ANGPT1: variants seen among roughly 807,000 people sequenced by gnomAD.
The protein encoded by ANGPT1 is angiopoietin-1.
In ANGPT1, 17 loss-of-function variants were observed where a neutral mutation model predicts 62.2. The observed-to-expected ratio is 0.27, with a 90% CI of 0.19 to 0.41. ANGPT1 has a LOEUF of 0.41. Among genes scored for constraint, ANGPT1 ranks in the 10% least tolerant of loss-of-function variants. The pLI is 1.00. For missense variants in ANGPT1, 478 were observed against 594.9 expected (o/e 0.80, Z 2.04); for synonymous variants, 199 against 198.9 (o/e 1.00, Z 0.00).
intron 1 of ANGPT1, among the ~76,000 whole-genome samples, chr8:107,432,483 T>G (rs1372661130): frequency 1.3e-5 from 2 of 152,090 alleles, no homozygotes; most frequent in Non-Finnish European, 2.9e-5. Context: ...GCTAACGTAG[T>G]GAAACCCTGT....
At chr8:107,495,960 T>G (rs972013840) in intron 1 of ANGPT1, among the ~76,000 whole-genome samples, 4 of 152,174 alleles carry the variant, frequency 2.6e-5, no homozygotes, top group African/African-American at 9.7e-5. Flanking sequence ...CCAGTTAATG[T>G]GTCAAATAAA....
At chr8:107,400,600 C>T (rs890384352) in intron 1 of ANGPT1, among the ~76,000 whole-genome samples, 1 of 151,070 alleles carries the variant, frequency 6.6e-6, no homozygotes. Flanking sequence ...CACTCCATTG[C>T]CCAAGCTGGA....
chr8:107,342,733 CAGTTA>C (rs994528179), intron 2 of ANGPT1, among the ~76,000 whole-genome samples: 16 of 150,928 alleles, frequency 1.1e-4, no homozygotes, highest in African/African-American at 3.9e-4. Flanking sequence ...TTCATCATTT[CAGTTA>C]AAAGATTCAT....
chr8:107,481,498 C>T (rs1445047106), intron 1 of ANGPT1, among the ~76,000 whole-genome samples: 1 of 125,410 alleles, frequency 8.0e-6, no homozygotes, highest in East Asian at 2.3e-4. Flanking sequence ...TACACCACTA[C>T]ACTCCAGCCT....
At chr8:107,387,203 G>A (rs139438485) in intron 1 of ANGPT1, among the ~76,000 whole-genome samples, 159 of 152,186 alleles carry the variant, frequency 1.0e-3, no homozygotes, top group African/African-American at 3.6e-3. Flanking sequence ...GACAGAGAAA[G>A]GAAGATACTA....
intron 8 of ANGPT1, among the ~76,000 whole-genome samples, chr8:107,259,476 C>T (rs556526723): frequency 1.6e-4 from 25 of 152,220 alleles, no homozygotes; most frequent in African/African-American, 5.5e-4. Context: ...AAATATCCTT[C>T]GTTAGCTTTA....
chr8:107,259,473 C>G (rs115227376), intron 8 of ANGPT1, among the ~76,000 whole-genome samples: 2 of 152,066 alleles, frequency 1.3e-5, no homozygotes, highest in East Asian at 3.8e-4. Context: ...GAAAAATATC[C>G]TTCGTTAGCT....
In ANGPT1 at chr8:107,274,642, A is replaced by C. The variant is rs183763284; in HGVS notation, c.1205+10040T>G. On this transcript the variant is annotated intron_variant, in intron 7 of 8. Coordinates refer to ENST00000517746, the MANE Select transcript of ANGPT1 (RefSeq NM_001146.5). The stretch of plus-strand genomic sequence containing the variant: ...GACATGATACTTTATTAGAAATCTT[A>C]GTGGCAACTGTCATTTTATACCATA... 9.8e-4 allele frequency among the ~76,000 whole-genome samples: 149 copies of C among 152,242 alleles called. 3 individuals are homozygous for C. The highest frequency in any genetic ancestry group is 9.8e-3 in the Admixed American group (149 of 15,266).
chr8:107,299,777 T>C (rs1243715400), intron 5 of ANGPT1, among the ~76,000 whole-genome samples: 1 of 118,218 alleles, frequency 8.5e-6, no homozygotes, highest in African/African-American at 3.1e-5. Context: ...CTAGATATAC[T>C]ATATATCTAG....
chr8:107,393,283 G>A (rs892079132), intron 1 of ANGPT1, among the ~76,000 whole-genome samples: 1 of 152,106 alleles, frequency 6.6e-6, no homozygotes, highest in African/African-American at 2.4e-5. Flanking sequence ...TGGTTCCCCT[G>A]GGCTTGAGAG....
chr8:107,366,864 A>T (rs1213695113), intron 1 of ANGPT1, among the ~76,000 whole-genome samples: 2 of 152,180 alleles, frequency 1.3e-5, no homozygotes. Context: ...TTCTATTTGC[A>T]TTCTGTCTCT....
At chr8:107,462,323 G>A (rs545794513) in intron 1 of ANGPT1, among the ~76,000 whole-genome samples, 1 of 151,600 alleles carries the variant, frequency 6.6e-6, no homozygotes, top group Non-Finnish European at 1.5e-5. Flanking sequence ...TACAGATTGT[G>A]TCTGGGTAGC....
intron 2 of ANGPT1, among the ~76,000 whole-genome samples, chr8:107,341,906 A>G (rs1228670076): frequency 6.6e-6 from 1 of 151,968 alleles, no homozygotes; most frequent in Non-Finnish European, 1.5e-5. Context: ...CTAGTCACTA[A>G]CAACTGCTAC....
chr8:107,353,176 T>TA (rs1815969500), intron 1 of ANGPT1, among the ~76,000 whole-genome samples: 1 of 152,188 alleles, frequency 6.6e-6, no homozygotes, highest in African/African-American at 2.4e-5. Flanking sequence ...ATATTTACTA[T>TA]TTATGGAAGA....
chr8:107,432,841 T>C (rs541572957), intron 1 of ANGPT1, among the ~76,000 whole-genome samples: 2 of 152,328 alleles, frequency 1.3e-5, no homozygotes, highest in South Asian at 4.1e-4. Flanking sequence ...ATCTTGACAA[T>C]GTCAGAGAAT....
intron 7 of ANGPT1, among the ~76,000 whole-genome samples, chr8:107,269,970 CT>C (rs1813701465): frequency 6.6e-6 from 1 of 152,010 alleles, no homozygotes. Context: ...TTTTCAATCA[CT>C]TTTAGAAATT....
intron 1 of ANGPT1, among the ~76,000 whole-genome samples, chr8:107,461,930 T>A (rs1812082321): frequency 6.6e-6 from 1 of 152,066 alleles, no homozygotes; most frequent in African/African-American, 2.4e-5. Flanking sequence ...AGCAAAGAAG[T>A]CCAGGAAGTG....
chr8:107,254,117 G>T (rs1009633009), intron 8 of ANGPT1, among the ~76,000 whole-genome samples: 1 of 152,026 alleles, frequency 6.6e-6, no homozygotes, highest in Admixed American at 6.6e-5. Flanking sequence ...CCAAATGACC[G>T]GCGGGTCACT....
chr8:107,421,386 C>A (rs1810891460), intron 1 of ANGPT1, among the ~76,000 whole-genome samples: 1 of 152,062 alleles, frequency 6.6e-6, no homozygotes, highest in African/African-American at 2.4e-5. Context: ...TGTCCAGTGG[C>A]CTTTTGTGAA....
Sources: gnomAD v4.1 joint callset for allele counts (sites outside exome capture counted in the v4.1 genomes callset) on GRCh38, gnomAD v4.1.1 for gene constraint, MANE v1.5 for transcripts, NCBI Gene and HGNC (gene_info 2026-07-23, HGNC 2026-07-21) for gene names.